TMEM255B: variants seen among roughly 807,000 people sequenced by gnomAD.
The protein encoded by TMEM255B is family with sequence similarity 70, member B.
In TMEM255B, 35 loss-of-function variants were observed where a neutral mutation model predicts 34.5. The ratio of observed to expected loss-of-function variants is 1.01; its 90% confidence interval spans 0.77 to 1.34. TMEM255B has a LOEUF of 1.34. Ranked by LOEUF, TMEM255B falls within the 40% of genes most tolerant of loss-of-function variation. The pLI is 0.00. For missense variants in TMEM255B, 432 were observed against 433.2 expected (o/e 1.00, Z 0.02); for synonymous variants, 206 against 201.2 (o/e 1.02, Z -0.20).
chr13:113,801,400 G>A (rs557458825), intron 6 of TMEM255B, among the ~76,000 whole-genome samples: 12 of 152,318 alleles, frequency 7.9e-5, no homozygotes, highest in African/African-American at 2.9e-4. Flanking sequence ...CCAGGCCATC[G>A]AGGCGGAGGG....
chr13:113,805,046 T>G lies in TMEM255B; in HGVS notation c.813+18T>G, dbSNP rs778323615. 1 of 1,584,372 alleles carries G rather than the reference T, an allele frequency of 6.3e-7. No homozygotes were observed. Among genetic ancestry groups the G allele is most frequent in the South Asian group, 1.1e-5 (1 of 88,694 alleles). On this transcript the variant is annotated intron_variant, in intron 8 of 8. Coordinates refer to ENST00000375353, the MANE Select transcript of TMEM255B (RefSeq NM_182614.4). Reference sequence around the variant, plus strand: ...CCCTTCAGGTAGGGCCAGCATCACCTGCTGGAGTTGGACGCGCTGGTCACA... The same window carrying G: ...CCCTTCAGGTAGGGCCAGCATCACCGGCTGGAGTTGGACGCGCTGGTCACA...
At chr13:113,805,991 G>A (rs1016130587) in intron 8 of TMEM255B, among the ~76,000 whole-genome samples, 19 of 152,208 alleles carry the variant, frequency 1.2e-4, no homozygotes, top group African/African-American at 4.8e-5. Context: ...GTTTCTGTGC[G>A]GGGAAGGGCA....
chr13:113,797,438 G>A (rs2050962838), intron 4 of TMEM255B, among the ~76,000 whole-genome samples: 1 of 152,204 alleles, frequency 6.6e-6, no homozygotes, highest in Non-Finnish European at 1.5e-5. Context: ...CTAGGCCTCT[G>A]TCCCCATGGG....
At chr13:113,800,793 C>A in intron 5 of TMEM255B, 34 bp from the exon 6 acceptor site, 2 of 1,573,060 alleles carry the variant, frequency 1.3e-6, no homozygotes, top group East Asian at 4.6e-5. Flanking sequence ...TGGTGGGCAC[C>A]GGCATGTGAC....
intron 3 of TMEM255B, among the ~76,000 whole-genome samples, chr13:113,779,200 GT>G (rs1432886317): frequency 6.6e-6 from 1 of 152,178 alleles, no homozygotes; most frequent in Admixed American, 6.5e-5. Flanking sequence ...TTAGGTTGAT[GT>G]TTTGCGGCTG....
At chr13:113,790,609 A>G (rs1430289379) in intron 3 of TMEM255B, among the ~76,000 whole-genome samples, 6 of 146,806 alleles carry the variant, frequency 4.1e-5, no homozygotes, top group Non-Finnish European at 8.9e-5. Flanking sequence ...TAGACATCCT[A>G]GCACTGAACT....
At chr13:113,792,440 C>T (rs757872666) in intron 3 of TMEM255B, among the ~76,000 whole-genome samples, 4 of 152,236 alleles carry the variant, frequency 2.6e-5, no homozygotes, top group African/African-American at 4.8e-5. Flanking sequence ...CCAGTCCCAC[C>T]GACGTGCAGC....
intron 3 of TMEM255B, among the ~76,000 whole-genome samples, chr13:113,788,999 G>A (rs759472651): frequency 6.6e-6 from 1 of 151,832 alleles, no homozygotes; most frequent in Admixed American, 6.6e-5. Context: ...GGTGCTGCTG[G>A]GTGGCCTGGG....
chr13:113,759,746 G>C (rs2050265483), intron 1 of TMEM255B, among the ~76,000 whole-genome samples: 1 of 152,168 alleles, frequency 6.6e-6, no homozygotes, highest in African/African-American at 2.4e-5. Flanking sequence ...AACTTCGTTT[G>C]GAAGAGCGAG....
rs1475425828 is a variant in TMEM255B at position 113,812,908 on chromosome 13, G to A, written c.*1005G>A. On this transcript the variant is annotated 3_prime_UTR_variant, in exon 9 of 9. Coordinates refer to ENST00000375353, the MANE Select transcript of TMEM255B (RefSeq NM_182614.4). The stretch of plus-strand genomic sequence containing the variant: ...GGTCACAGGCCCCGGGTGAGTCACA[G>A]GCCCCGGGTGAGTCACGGGTCCCGG... 2.9e-4 allele frequency: 42 copies of A among 143,718 alleles called. 6 individuals carry two copies. In the Admixed American group the frequency reaches 3.2e-3, roughly 11 times the overall value. 8.9% of individuals were successfully genotyped at this position (143,718 alleles called of 1,614,324 possible).
intron 3 of TMEM255B, among the ~76,000 whole-genome samples, chr13:113,791,564 G>A (rs2050832462): frequency 6.6e-6 from 1 of 152,188 alleles, no homozygotes; most frequent in Non-Finnish European, 1.5e-5. Flanking sequence ...GACTCAACCA[G>A]GAGCAGGGAA....
intron 1 of TMEM255B, among the ~76,000 whole-genome samples, chr13:113,762,765 C>T (rs1254927857): frequency 2.6e-5 from 4 of 152,178 alleles, no homozygotes; most frequent in Admixed American, 1.3e-4. Context: ...TCCTGACAGA[C>T]GGACGCCCAC....
At chr13:113,805,430 G>A (rs528535197) in intron 8 of TMEM255B, among the ~76,000 whole-genome samples, 29 of 152,336 alleles carry the variant, frequency 1.9e-4, no homozygotes, top group East Asian at 5.8e-4. Context: ...ACCCGCAGAC[G>A]TGGAGACATC....
intron 3 of TMEM255B, among the ~76,000 whole-genome samples, chr13:113,773,990 A>T (rs1179916767): frequency 6.6e-6 from 1 of 152,210 alleles, no homozygotes; most frequent in Non-Finnish European, 1.5e-5. Context: ...ATACACGTGA[A>T]CACTTTTTTC....
intron 4 of TMEM255B, among the ~76,000 whole-genome samples, chr13:113,798,274 G>A (rs1181016439): frequency 6.6e-6 from 1 of 151,884 alleles, no homozygotes; most frequent in East Asian, 1.9e-4. Context: ...TAGATAGGAG[G>A]ATGGATAACG....
At chr13:113,799,996 G>A in intron 5 of TMEM255B, 1 of 1,251,682 alleles carries the variant, frequency 8.0e-7, no homozygotes, top group Non-Finnish European at 1.0e-6. Context: ...AGGAGGAGCT[G>A]GAGGCCCTCT....
chr13:113,802,588 G>GCCCATCCAACC (rs1555300995), intron 7 of TMEM255B, among the ~76,000 whole-genome samples: 2 of 136,470 alleles, frequency 1.5e-5, no homozygotes, highest in Admixed American at 7.2e-5. Context: ...GGCCAGACCC[G>GCCCATCCAACC]GCCCAGCGAG....
chr13:113,767,790 A>G (rs1328094754), intron 2 of TMEM255B, among the ~76,000 whole-genome samples: 1 of 152,250 alleles, frequency 6.6e-6, no homozygotes, highest in African/African-American at 2.4e-5. Flanking sequence ...AGAACGTGAA[A>G]ACATCTCCAC....
rs754209343 is a variant in TMEM255B at position 113,812,001 on chromosome 13, C to T, written c.*98C>T. 6.7e-5 allele frequency: 94 copies of T among 1,411,180 alleles called. No individual in the cohort carries two copies. The highest frequency in any genetic ancestry group is 4.1e-4 in the South Asian group (30 of 72,604). 87.4% of individuals were successfully genotyped at this position (1,411,180 alleles called of 1,614,324 possible). ...TCTGTGGCCAACCTCCTAGAGAACC[C>T]GGGAGAATGTTCCAGAAGTCTGTCC... is the stretch of plus-strand genomic sequence containing the variant. On this transcript the variant is annotated 3_prime_UTR_variant, in exon 9 of 9. Coordinates refer to ENST00000375353, the MANE Select transcript of TMEM255B (RefSeq NM_182614.4).
Sources: allele counts gnomAD v4.1 joint callset (sites outside exome capture counted in the v4.1 genomes callset), GRCh38; gene constraint gnomAD v4.1.1; transcripts MANE v1.5; gene names NCBI Gene and HGNC (gene_info 2026-07-23, HGNC 2026-07-21).